Variants in LRP5 observed in about 807,000 individuals in gnomAD.
LRP5 encodes the protein LDL receptor related protein 5.
Under a neutral mutation model 154.1 loss-of-function variants are expected in LRP5, and 62 were observed. The observed-to-expected ratio is 0.40, with a 90% CI of 0.33 to 0.50. The LOEUF (loss-of-function observed/expected upper bound fraction) is 0.50, where lower values mean the gene tolerates loss of function less well. Ranked by LOEUF, LRP5 falls within the 20% of genes least tolerant of loss-of-function variation. The pLI is 0.55. For synonymous variants in LRP5, 966 were observed against 1,011.5 expected, an observed-to-expected ratio of 0.96 and a Z score of 0.85; for missense variants, 1,915 against 2,336.7, an observed-to-expected ratio of 0.82 and a Z score of 3.72.
intron 2 of LRP5, among the ~76,000 whole-genome samples, chr11:68,349,046 TTAA>T (rs1305603662): frequency 6.7e-6 from 1 of 150,206 alleles, no homozygotes; most frequent in Admixed American, 6.6e-5. Context: ...TTTTTTTTTT[TTAA>T]TTGAGATGGA....
At chr11:68,366,017 TCTC>T (rs2098630872) in intron 5 of LRP5, among the ~76,000 whole-genome samples, 1 of 151,798 alleles carries the variant, frequency 6.6e-6, no homozygotes, top group Non-Finnish European at 1.5e-5. Context: ...GCATGGCTCT[TCTC>T]CTCTGGGGCA....
At chr11:68,342,261 G>A (rs755174004) in intron 1 of LRP5, among the ~76,000 whole-genome samples, 1 of 151,914 alleles carries the variant, frequency 6.6e-6, no homozygotes, top group African/African-American at 2.4e-5. Flanking sequence ...TCTCCCTCCC[G>A]TCGGGTTCTG....
At position 68,347,975 on chromosome 11, in the gene LRP5, A is replaced by G. The variant is rs765603774; in HGVS notation, c.220A>G (p.Lys74Glu). ...DAAAVDFQFS[K>E]GAVYWTDVSE... ...GGCCGCAGTGGACTTCCAGTTTTCC[A>G]AGGGAGCCGTGTACTGGACAGACGT... The change falls in exon 2 of 23, where the codon AAG becomes GAG. Residue 74 changes from lysine (K) to glutamate (E), a missense_variant. Around this residue, in one of 3 missense-constraint regions of LRP5, gnomAD observed 773 missense variants for 1,100.9 expected, o/e 0.70. Transcript: ENST00000294304. 8 of 1,614,026 alleles carry G rather than the reference A, an allele frequency of 5.0e-6. No individual in the cohort carries two copies. The highest frequency in any genetic ancestry group is 3.3e-5 in the Admixed American group (2 of 60,004).
At position 68,448,959 on chromosome 11, in the gene LRP5, C is replaced by A; in HGVS notation, c.4737C>A (p.Pro1579=). 6.2e-7 allele frequency: 1 copy of A among 1,612,950 alleles called. No homozygotes were observed. Residue 1579 remains proline (P), a synonymous_variant, in exon 23 of 23, where the codon CCC becomes CCA. Transcript: ENST00000294304. ...DSDPYPPPPT[P]HSQYLSAEDS... is the part of the protein sequence containing the mutation. ...ACCCCTATCCACCCCCACCCACGCC[C>A]CACAGCCAGTACCTGTCGGCGGAGG... is the stretch of plus-strand genomic sequence containing the variant.
chr11:68,445,095 A>T (rs1312190278), intron 21 of LRP5, among the ~76,000 whole-genome samples: 1 of 151,896 alleles, frequency 6.6e-6, no homozygotes. Context: ...TTATTATTTT[A>T]TTTAATTTTA....
the LRP5 span, among the ~76,000 whole-genome samples, chr11:68,302,062 G>T: frequency 2.6e-5 from 4 of 151,678 alleles, no homozygotes; most frequent in African/African-American, 9.7e-5. Flanking sequence ...CATGGTTTAA[G>T]ACTTGTGAGT....
chr11:68,352,756 TGGTTGGGAGGTGCTCGGTGCTA>T (rs2098619837), intron 2 of LRP5, among the ~76,000 whole-genome samples: 1 of 147,966 alleles, frequency 6.8e-6, no homozygotes, highest in Non-Finnish European at 1.5e-5. Flanking sequence ...GCTCTGCACT[TGGTTGGGAGGTGCTCGGTGCTA>T]GGTTGGGAGG....
At chr11:68,428,739 A>G (rs1284793523) in intron 16 of LRP5, among the ~76,000 whole-genome samples, 2 of 146,110 alleles carry the variant, frequency 1.4e-5, no homozygotes, top group Middle Eastern at 3.4e-3. Context: ...GCCTTAAGAC[A>G]TGGGTGTATC....
chr11:68,425,548 T>G (rs2098668284), intron 15 of LRP5, among the ~76,000 whole-genome samples: 2 of 152,228 alleles, frequency 1.3e-5, no homozygotes, highest in African/African-American at 4.8e-5. Flanking sequence ...GGAGCAGGAC[T>G]GCAGCCTAGC....
chr11:68,363,669 A>G, intron 3 of LRP5, 78 bp from the exon 4 acceptor site: 1 of 1,202,400 alleles, frequency 8.3e-7, no homozygotes, highest in Non-Finnish European at 1.2e-6. Context: ...AAAAAAAAAA[A>G]GAAATTAATT....
intron 22 of LRP5, among the ~76,000 whole-genome samples, 172 bp from the exon 23 acceptor site, chr11:68,448,627 TGAGGCTCAGA>T (rs2098682717): frequency 6.6e-6 from 1 of 151,944 alleles, no homozygotes; most frequent in Non-Finnish European, 1.5e-5. Flanking sequence ...GTGGGACCAT[TGAGGCTCAGA>T]GAGGGTAAGT....
chr11:68,420,373 C>T (rs2098664890), intron 13 of LRP5, among the ~76,000 whole-genome samples: 1 of 152,156 alleles, frequency 6.6e-6, no homozygotes, highest in African/African-American at 2.4e-5. Flanking sequence ...GTGTTATAGC[C>T]TGTGTCAGAA....
chr11:68,395,158 A>G (rs946441768), intron 7 of LRP5, among the ~76,000 whole-genome samples: 60 of 152,062 alleles, frequency 3.9e-4, no homozygotes, highest in Admixed American at 8.5e-4. Context: ...AAAATTAGCC[A>G]GGCGTGATGG....
At chr11:68,446,934 C>A in intron 22 of LRP5, 1 of 338,092 alleles carries the variant, frequency 3.0e-6, no homozygotes, top group Non-Finnish European at 5.9e-6. Context: ...TAGGATGGGA[C>A]AAGTCTGTGA....
Position 68,433,657 on chromosome 11 carries a change from T to C in LRP5, c.3819T>C (p.Cys1273=). Residue 1273 remains cysteine, a synonymous_variant, in exon 18 of 23, where the codon TGT becomes TGC. Coordinates refer to ENST00000294304, the MANE Select transcript of LRP5 (RefSeq NM_002335.4). Reference sequence around the variant, plus strand: ...CATGTGCCACAGGGGAGATCGACTGTATCCCCGGGGCCTGGCGCTGTGACG... The same window carrying C: ...CATGTGCCACAGGGGAGATCGACTGCATCCCCGGGGCCTGGCGCTGTGACG... ...QFACATGEID[C]IPGAWRCDGF... is the part of the protein sequence containing the mutation. 1 of 1,613,482 alleles carries C rather than the reference T, an allele frequency of 6.2e-7. No homozygotes were observed. The highest frequency in any genetic ancestry group is 1.1e-5 in the South Asian group (1 of 91,084).
At chr11:68,337,365 C>T (rs2098606284) in intron 1 of LRP5, among the ~76,000 whole-genome samples, 1 of 152,106 alleles carries the variant, frequency 6.6e-6, no homozygotes, top group South Asian at 2.1e-4. Context: ...CTTTGAGGAG[C>T]TGAAGCTAGA....
intron 1 of LRP5, among the ~76,000 whole-genome samples, chr11:68,318,676 G>A (rs2098594916): frequency 6.6e-6 from 1 of 152,186 alleles, no homozygotes; most frequent in Non-Finnish European, 1.5e-5. Flanking sequence ...TGAGGTGAAG[G>A]TTCACTCAAG....
intron 8 of LRP5, chr11:68,403,964 T>C (rs2153163260): frequency 3.6e-6 from 2 of 559,006 alleles, no homozygotes; most frequent in East Asian, 6.0e-5. Context: ...TGCCCGGCCC[T>C]GGCCGGGAGC....
rs777003697 is a variant in LRP5 at position 68,363,932 on chromosome 11, G to A, written c.872G>A (p.Arg291Gln). The change falls in exon 4 of 23, where the codon CGG (arginine) becomes CAG (glutamine). Residue 291 changes from arginine to glutamine, a missense_variant. Coordinates refer to ENST00000294304, the MANE Select transcript of LRP5 (RefSeq NM_002335.4). Reference protein sequence around the residue: ...PMDIQVLSQERQPFFHTRCEE... With the variant: ...PMDIQVLSQEQQPFFHTRCEE... Reference sequence around the variant, plus strand: ...GACATCCAGGTGCTGAGCCAGGAGCGGCAGCCTTTCTGTGAGTGCCGGCTG... The same window carrying A: ...GACATCCAGGTGCTGAGCCAGGAGCAGCAGCCTTTCTGTGAGTGCCGGCTG... The A allele has an allele frequency of 3.7e-6, 6 of 1,610,790 alleles. No individual in the cohort carries two copies. The highest frequency in any genetic ancestry group is 2.2e-5 in the East Asian group (1 of 44,740).
Sources: gnomAD v4.1 joint callset for allele counts (sites outside exome capture counted in the v4.1 genomes callset) on GRCh38, gnomAD v4.1.1 for gene constraint, gnomAD v4.1.1 regional missense constraint, MANE v1.5 for transcripts, NCBI Gene and HGNC (gene_info 2026-07-23, HGNC 2026-07-21) for gene names.